Variants in KLRG2 observed in about 807,000 individuals in gnomAD.
KLRG2 encodes the protein killer cell lectin like receptor G2, also known as killer cell lectin-like receptor subfamily G member 2.
KLRG2 carries 39 observed loss-of-function variants against 35.4 expected under a neutral mutation model. That is an observed-to-expected ratio of 1.10 (90% CI 0.85 to 1.44). The LOEUF (loss-of-function observed/expected upper bound fraction) is 1.44. Ranked by LOEUF, KLRG2 falls within the 40% of genes most tolerant of loss-of-function variation. The pLI, the probability that KLRG2 is intolerant of heterozygous loss-of-function variation, is 0.00. For synonymous variants in KLRG2, 283 were observed against 265.8 expected (o/e 1.06, Z -0.63); for missense variants, 632 against 570.9 (o/e 1.11, Z -1.09).
the KLRG2 span, among the ~76,000 whole-genome samples, chr7:139,445,791 A>G: frequency 0.017 from 2,031 of 120,112 alleles, 181 homozygotes; most frequent in Non-Finnish European, 0.023. Context: ...GTATATATAT[A>G]TGTGTGTATA....
At chr7:139,429,607 T>C in the KLRG2 span, among the ~76,000 whole-genome samples, 1 of 151,678 alleles carries the variant, frequency 6.6e-6, no homozygotes, top group Non-Finnish European at 1.5e-5. Context: ...AGCATCTGTT[T>C]AACAAAGCAC....
At position 139,460,682 on chromosome 7, in the gene KLRG2, G is replaced by T. The variant is rs140942277; in HGVS notation, c.1006-6468C>A. Among the ~76,000 whole-genome samples the T allele has an allele frequency of 4.6e-3, 694 of 152,066 alleles. 8 individuals carry two copies. The highest frequency in any genetic ancestry group is 0.016 in the African/African-American group (665 of 41,480). On this transcript the variant is annotated intron_variant, in intron 3 of 4. Coordinates refer to ENST00000340940, the MANE Select transcript of KLRG2 (RefSeq NM_198508.4). ...TGTCTAAAAAAAAAAAAGACAGCTG[G>T]GCACAGTGGGTCACACCTGTAATCT...
intron 3 of KLRG2, among the ~76,000 whole-genome samples, chr7:139,465,414 C>T (rs1027231121): frequency 1.3e-5 from 2 of 152,116 alleles, no homozygotes; most frequent in Admixed American, 6.5e-5. Flanking sequence ...CTAGAGTCAC[C>T]GGGCGCGGTG....
At chr7:139,431,444 T>A in the KLRG2 span, among the ~76,000 whole-genome samples, 4 of 151,742 alleles carry the variant, frequency 2.6e-5, no homozygotes, top group African/African-American at 9.7e-5. Context: ...CTGTTGGCAG[T>A]ATGGACTCTT....
In KLRG2 at chr7:139,479,796, G is replaced by A. The variant is rs757040024; in HGVS notation, c.860-24C>T. 60 of 1,609,082 alleles carry A rather than the reference G, an allele frequency of 3.7e-5. 1 individual carries two copies. In the South Asian group the frequency reaches 6.4e-4, roughly 17 times the overall value. The stretch of plus-strand genomic sequence containing the variant: ...TCCTGCAAGCACAGAGACTGCTGGT[G>A]AGCTGCAGGGTAAGCTGCATTAAAT... On this transcript the variant is annotated intron_variant, in intron 2 of 4. Coordinates refer to ENST00000340940, the MANE Select transcript of KLRG2 (RefSeq NM_198508.4).
At chr7:139,478,188 G>A (rs551032355) in intron 3 of KLRG2, among the ~76,000 whole-genome samples, 1 of 151,792 alleles carries the variant, frequency 6.6e-6, no homozygotes, top group South Asian at 2.1e-4. Flanking sequence ...GGGCAACATA[G>A]CAAGACTTGT....
chr7:139,435,189 A>T, the KLRG2 span, among the ~76,000 whole-genome samples: 1 of 152,180 alleles, frequency 6.6e-6, no homozygotes, highest in African/African-American at 2.4e-5. Flanking sequence ...ATTTTCCCAC[A>T]ATAAAATTCA....
chr7:139,463,892 C>T (rs67585411), intron 3 of KLRG2, among the ~76,000 whole-genome samples: 11,013 of 152,224 alleles, frequency 0.072, 485 homozygotes, highest in Middle Eastern at 0.16. Flanking sequence ...ACATTACCTT[C>T]TTTTCAAGGG....
At chr7:139,437,425 CAAAAA>C in the KLRG2 span, among the ~76,000 whole-genome samples, 2,316 of 73,156 alleles carry the variant, frequency 0.032, 113 homozygotes, top group African/African-American at 0.088. Flanking sequence ...ACTCCATCTC[CAAAAA>C]AAAAAAAAAA....
At chr7:139,446,345 T>G in the KLRG2 span, among the ~76,000 whole-genome samples, 1 of 146,006 alleles carries the variant, frequency 6.8e-6, no homozygotes, top group African/African-American at 2.5e-5. Flanking sequence ...GGTTTTTTTT[T>G]TTTTTTTTTT....
the KLRG2 span, among the ~76,000 whole-genome samples, chr7:139,445,867 T>TA: frequency 6.7e-6 from 1 of 149,004 alleles, no homozygotes; most frequent in Non-Finnish European, 1.5e-5. Context: ...GTTTCACTCT[T>TA]ATTGCCCAAA....
At chr7:139,437,753 C>CG in the KLRG2 span, among the ~76,000 whole-genome samples, 13,138 of 152,174 alleles carry the variant, frequency 0.086, 1,396 homozygotes, top group African/African-American at 0.25. Flanking sequence ...CCACCGCACC[C>CG]GGCCATCATT....
chr7:139,429,973 C>G, the KLRG2 span, among the ~76,000 whole-genome samples: 2 of 152,132 alleles, frequency 1.3e-5, no homozygotes, highest in East Asian at 1.9e-4. Flanking sequence ...GCTGACCCCC[C>G]CCATATGGGT....
At chr7:139,480,011 G>T in intron 2 of KLRG2, 135 bp downstream of exon 2, 1 of 740,076 alleles carries the variant, frequency 1.4e-6, no homozygotes, top group Non-Finnish European at 2.3e-6. Flanking sequence ...CCTTAACTTT[G>T]CTCATCAAGC....
chr7:139,434,530 G>A, the KLRG2 span, among the ~76,000 whole-genome samples: 1 of 152,132 alleles, frequency 6.6e-6, no homozygotes, highest in Non-Finnish European at 1.5e-5. Context: ...GATTCCTTGT[G>A]GCCTTCTGAG....
downstream of KLRG2, among the ~76,000 whole-genome samples, chr7:139,448,299 A>G (rs1041627656): frequency 2.0e-5 from 3 of 152,060 alleles, no homozygotes; most frequent in African/African-American, 7.2e-5. Context: ...CCTGGCCAAC[A>G]TTTCTCCTTT....
intron 3 of KLRG2, among the ~76,000 whole-genome samples, chr7:139,465,172 C>T (rs957263262): frequency 2.0e-4 from 31 of 152,208 alleles, no homozygotes; most frequent in African/African-American, 7.5e-4. Flanking sequence ...TACCACTCTG[C>T]CCCCGTCCAC....
intron 1 of KLRG2, 85 bp downstream of exon 1, chr7:139,482,801 C>A: frequency 2.4e-6 from 3 of 1,228,056 alleles, no homozygotes; most frequent in Non-Finnish European, 3.1e-6. Context: ...AGCTGCCCAG[C>A]GGTCCAGGGC....
At chr7:139,438,015 T>C in the KLRG2 span, among the ~76,000 whole-genome samples, 1 of 152,300 alleles carries the variant, frequency 6.6e-6, no homozygotes, top group South Asian at 2.1e-4. Flanking sequence ...GACCTAGGCC[T>C]CAAAAGGCCT....
Sources: gnomAD v4.1 joint callset for allele counts (sites outside exome capture counted in the v4.1 genomes callset) on GRCh38, gnomAD v4.1.1 for gene constraint, MANE v1.5 for transcripts, NCBI Gene and HGNC (gene_info 2026-07-23, HGNC 2026-07-21) for gene names.